The following ITGA11 variants were observed in gnomAD, a reference collection of about 807,000 sequenced individuals.
The protein encoded by ITGA11 is integrin subunit alpha 11.
Under a neutral mutation model 141.9 loss-of-function variants are expected in ITGA11, and 97 were observed. That is an observed-to-expected ratio of 0.68 (90% CI 0.58 to 0.81). ITGA11 has a LOEUF of 0.81. Among genes scored for constraint, ITGA11 ranks in the 30% least tolerant of loss-of-function variants. The pLI is 0.00. For missense variants in ITGA11, 1,387 were observed against 1,559.2 expected, an observed-to-expected ratio of 0.89 and a Z score of 1.86; for synonymous variants, 658 against 624.6, an observed-to-expected ratio of 1.05 and a Z score of -0.80.
chr15:68,409,317 C>T (rs1280386384), intron 1 of ITGA11, among the ~76,000 whole-genome samples: 1 of 152,134 alleles, frequency 6.6e-6, no homozygotes, highest in Non-Finnish European at 1.5e-5. Flanking sequence ...TATTCAAGGC[C>T]ACATCCATGA....
chr15:68,377,781 G>A (rs1348341123), intron 2 of ITGA11, among the ~76,000 whole-genome samples: 3 of 152,190 alleles, frequency 2.0e-5, no homozygotes, highest in African/African-American at 7.2e-5. Context: ...CAATGCCCCC[G>A]TTGGACTGTG....
rs1895654770 is a variant in ITGA11 at position 68,373,717 on chromosome 15, T to TG, written c.165-4434dup. Among the ~76,000 whole-genome samples, 2 of 152,210 alleles carry TG rather than the reference T, an allele frequency of 1.3e-5. 1 individual carries two copies. The highest frequency in any genetic ancestry group is 4.1e-4 in the South Asian group (2 of 4,830). On this transcript the variant is annotated intron_variant, in intron 2 of 29. Transcript: ENST00000315757. ...TCAAGTGAATCTCAAGACTTGTGCTTGGGATGCAGGTAGCAGGGTGGTCTC... is the reference window on the plus strand; with the variant it reads ...TCAAGTGAATCTCAAGACTTGTGCTTGGGGATGCAGGTAGCAGGGTGGTCTC...
intron 2 of ITGA11, among the ~76,000 whole-genome samples, chr15:68,388,254 C>T (rs1896032508): frequency 6.6e-6 from 1 of 152,142 alleles, no homozygotes; most frequent in South Asian, 2.1e-4. Context: ...ACTTGCTGTT[C>T]CTTGAACATC....
At chr15:68,394,760 T>C (rs1896192346) in intron 2 of ITGA11, among the ~76,000 whole-genome samples, 1 of 152,068 alleles carries the variant, frequency 6.6e-6, no homozygotes. Context: ...ATATAGATCT[T>C]ATAGACATTG....
chr15:68,330,889 G>C, intron 15 of ITGA11, 92 bp downstream of exon 15: 1 of 1,489,750 alleles, frequency 6.7e-7, no homozygotes, highest in East Asian at 2.3e-5. Context: ...TTAAAGACAA[G>C]AGACAAAGAT....
intron 1 of ITGA11, among the ~76,000 whole-genome samples, chr15:68,425,701 A>G (rs1897127178): frequency 6.6e-6 from 1 of 152,206 alleles, no homozygotes. Context: ...AGCTACGCCC[A>G]CTTGCCCATT....
At chr15:68,393,008 C>T (rs1048530910) in intron 2 of ITGA11, among the ~76,000 whole-genome samples, 1 of 152,030 alleles carries the variant, frequency 6.6e-6, no homozygotes, top group African/African-American at 2.4e-5. Context: ...CAATTGGGAT[C>T]AAGACAGATT....
At chr15:68,427,977 T>C (rs1897183275) in intron 1 of ITGA11, among the ~76,000 whole-genome samples, 1 of 152,058 alleles carries the variant, frequency 6.6e-6, no homozygotes. Flanking sequence ...TTTTGAACCA[T>C]ATTAGAGGAT....
chr15:68,383,903 G>C (rs1895920911), intron 2 of ITGA11, among the ~76,000 whole-genome samples: 1 of 152,178 alleles, frequency 6.6e-6, no homozygotes, highest in Non-Finnish European at 1.5e-5. Context: ...GCTGGTGGGG[G>C]AGTGGGAAGA....
In ITGA11 at chr15:68,311,380, G is replaced by T; in HGVS notation, c.2997C>A (p.Pro999=). 1 of 1,567,266 alleles carries T rather than the reference G, an allele frequency of 6.4e-7. No individual in the cohort carries two copies. The part of the protein sequence containing the change: ...IFRIQNLGLF[P]IHGMMMKITI... The stretch of plus-strand genomic sequence containing the variant: ...TGATCTTCATCATCATCCCGTGGAT[G>T]GGGAACAAGCCCAAGTTCTGGATCT... The change falls in exon 25 of 30, where the codon CCC becomes CCA. Residue 999 remains proline, a synonymous_variant. Coordinates refer to ENST00000315757, the MANE Select transcript of ITGA11 (RefSeq NM_001004439.2).
chr15:68,332,016 T>A lies in ITGA11; in HGVS notation c.1613A>T (p.Gln538Leu). ...AATGGAGGACCCAAATCGGGCATTC[T>A]GGTAACTGTGTGAATCCTTTAGCGT... ...NGTLKDSHSY[Q>L]NARFGSSIAS... Residue 538 changes from glutamine (Q) to leucine (L), a missense_variant, in exon 14 of 30, where the codon CAG becomes CTG. Physicochemically the swap from Gln to Leu is moderately radical, Grantham distance 113 (BLOSUM62 -2). Coordinates refer to ENST00000315757, the MANE Select transcript of ITGA11 (RefSeq NM_001004439.2). The A allele has an allele frequency of 6.2e-7, 1 of 1,611,206 alleles. No homozygotes were observed. Among genetic ancestry groups the A allele is most frequent in the Non-Finnish European group, 8.5e-7 (1 of 1,178,726 alleles).
chr15:68,355,984 G>A (rs1163193986), intron 7 of ITGA11, among the ~76,000 whole-genome samples: 1 of 152,084 alleles, frequency 6.6e-6, no homozygotes, highest in Non-Finnish European at 1.5e-5. Flanking sequence ...TTCAGTGGGG[G>A]GTGAGCACAA....
chr15:68,406,246 C>T (rs1175697572), intron 1 of ITGA11, among the ~76,000 whole-genome samples: 1 of 152,170 alleles, frequency 6.6e-6, no homozygotes, highest in Non-Finnish European at 1.5e-5. Context: ...GCTCCATCCC[C>T]TGTATCAATG....
At chr15:68,345,700 G>A (rs916404566) in intron 10 of ITGA11, among the ~76,000 whole-genome samples, 2 of 152,334 alleles carry the variant, frequency 1.3e-5, no homozygotes, top group East Asian at 3.9e-4. Flanking sequence ...GCTTCTGGCA[G>A]GGAGGAAGCC....
At chr15:68,410,199 G>A (rs576194199) in intron 1 of ITGA11, among the ~76,000 whole-genome samples, 1 of 152,350 alleles carries the variant, frequency 6.6e-6, no homozygotes, top group South Asian at 2.1e-4. Context: ...AAGCCGATCT[G>A]TGGAACCTAA....
rs918376971 is a variant in ITGA11 at position 68,299,943 on chromosome 15, CA to C, written c.*3115del. On this transcript the variant is annotated 3_prime_UTR_variant, in exon 30 of 30. Coordinates refer to ENST00000315757, the MANE Select transcript of ITGA11 (RefSeq NM_001004439.2). ...GTCAAGAAACCATCACCTTCCTTAA[CA>C]AAAGTAAAACCCAGAAACTCCACTG... 6.6e-6 allele frequency: 1 copy of C among 152,152 alleles called. No homozygotes were observed. Among genetic ancestry groups the C allele is most frequent in the Admixed American group, 6.5e-5 (1 of 15,270 alleles). 9.4% of individuals were successfully genotyped at this position (152,152 alleles called of 1,614,324 possible).
At chr15:68,361,754 A>T in intron 4 of ITGA11, 50 bp from the exon 5 acceptor site, 1 of 1,315,764 alleles carries the variant, frequency 7.6e-7, no homozygotes. Flanking sequence ...CTCAGAGAGG[A>T]TCGAGGTCCA....
At chr15:68,359,224 TTTTTATTTATTTATTTA>T (rs1895165317) in intron 5 of ITGA11, among the ~76,000 whole-genome samples, 1 of 152,090 alleles carries the variant, frequency 6.6e-6, no homozygotes, top group African/African-American at 2.4e-5. Flanking sequence ...ATGGTTTCAC[TTTTTATTTATTTATTTA>T]TTTTTTAAGG....
At position 68,304,378 on chromosome 15, in the gene ITGA11, T is replaced by G. The variant is rs1343415866; in HGVS notation, c.3382-493A>C. Among the ~76,000 whole-genome samples, 1 of 152,248 alleles carries G rather than the reference T, an allele frequency of 6.6e-6. No individual in the cohort carries two copies. Among genetic ancestry groups the G allele is most frequent in the Non-Finnish European group, 1.5e-5 (1 of 68,042 alleles). ...GAGCCCATGAAAATGTTTACATTTC[T>G]TTTAAAATTAGAGGAAAAAATGGAA... On this transcript the variant is annotated intron_variant, in intron 28 of 29. Transcript: ENST00000315757. This position sits in a 1 kb window ranked among gnomAD's most constrained non-coding sequence, Gnocchi z 6.1.
Sources: allele counts gnomAD v4.1 joint callset (sites outside exome capture counted in the v4.1 genomes callset), GRCh38; gene constraint gnomAD v4.1.1; non-coding constraint Gnocchi (gnomAD v3.1); transcripts MANE v1.5; gene names NCBI Gene and HGNC (gene_info 2026-07-23, HGNC 2026-07-21).